The following KIAA1958 variants were observed in gnomAD, a reference collection of about 807,000 sequenced individuals.
KIAA1958 encodes the protein KIAA1958.
KIAA1958 carries 14 observed loss-of-function variants against 47.2 expected under a neutral mutation model. The observed-to-expected ratio is 0.30, with a 90% CI of 0.20 to 0.46. The LOEUF (loss-of-function observed/expected upper bound fraction) is 0.46. Ranked by LOEUF, KIAA1958 falls within the 20% of genes least tolerant of loss-of-function variation. The probability of loss-of-function intolerance (pLI) is 1.00; values close to 1 mark genes in which losing one functional copy is unlikely to be tolerated. For synonymous variants in KIAA1958, 354 were observed against 353.3 expected, an observed-to-expected ratio of 1.00 and a Z score of -0.02; for missense variants, 803 against 909.2, an observed-to-expected ratio of 0.88 and a Z score of 1.50.
intron 1 of KIAA1958, among the ~76,000 whole-genome samples, chr9:112,518,041 C>A (rs1834468529): frequency 6.6e-6 from 1 of 152,148 alleles, no homozygotes; most frequent in Non-Finnish European, 1.5e-5. Context: ...CCCACCTGAC[C>A]TTAAGTGTTT....
At chr9:112,523,220 A>G (rs1281094206) in intron 1 of KIAA1958, among the ~76,000 whole-genome samples, 1 of 152,096 alleles carries the variant, frequency 6.6e-6, no homozygotes, top group East Asian at 1.9e-4. Flanking sequence ...TTACCTGGAA[A>G]TTGGTTGTGT....
At chr9:112,494,764 G>A (rs1211628634) in intron 1 of KIAA1958, among the ~76,000 whole-genome samples, 4 of 151,946 alleles carry the variant, frequency 2.6e-5, no homozygotes, top group Admixed American at 6.6e-5. Flanking sequence ...CACCGTATCT[G>A]GTGGTACCTA....
intron 2 of KIAA1958, among the ~76,000 whole-genome samples, chr9:112,582,899 A>G (rs1383052838): frequency 6.6e-6 from 1 of 152,208 alleles, no homozygotes; most frequent in Non-Finnish European, 1.5e-5. Flanking sequence ...TCTGGCATTG[A>G]CAGGGGCTTG....
intron 2 of KIAA1958, among the ~76,000 whole-genome samples, chr9:112,586,611 A>G (rs1246183001): frequency 6.6e-6 from 1 of 152,240 alleles, no homozygotes; most frequent in African/African-American, 2.4e-5. Context: ...TATTATACCA[A>G]TGAAATAAAA....
At chr9:112,587,386 G>A (rs1835845133) in intron 2 of KIAA1958, among the ~76,000 whole-genome samples, 1 of 152,180 alleles carries the variant, frequency 6.6e-6, no homozygotes, top group African/African-American at 2.4e-5. Context: ...CTGACCTCAA[G>A]TGATCCACCC....
chr9:112,624,350 A>G (rs755045411), intron 2 of KIAA1958, among the ~76,000 whole-genome samples: 4 of 152,196 alleles, frequency 2.6e-5, no homozygotes, highest in Non-Finnish European at 4.4e-5. Flanking sequence ...ATGGTATTCA[A>G]ACATTGCTTT....
chr9:112,541,834 G>A (rs561811032), intron 1 of KIAA1958, among the ~76,000 whole-genome samples: 2 of 152,090 alleles, frequency 1.3e-5, no homozygotes, highest in African/African-American at 4.8e-5. Context: ...AACAAAAACA[G>A]ATGTTACAGA....
chr9:112,613,945 A>G (rs1000868029), intron 2 of KIAA1958, among the ~76,000 whole-genome samples: 1 of 152,226 alleles, frequency 6.6e-6, no homozygotes, highest in Admixed American at 6.5e-5. Flanking sequence ...CATGACCACC[A>G]AAAGGCACCC....
At chr9:112,637,243 C>T (rs1257396722) in intron 2 of KIAA1958, among the ~76,000 whole-genome samples, 5 of 151,940 alleles carry the variant, frequency 3.3e-5, no homozygotes, top group Non-Finnish European at 5.9e-5. Flanking sequence ...TTCCAATATT[C>T]TTCATTCTTT....
At chr9:112,616,922 C>G (rs1205323341) in intron 2 of KIAA1958, among the ~76,000 whole-genome samples, 1 of 152,158 alleles carries the variant, frequency 6.6e-6, no homozygotes, top group Non-Finnish European at 1.5e-5. Context: ...TCATCATGAA[C>G]ACAGAGATGC....
rs1159012874 is a variant in KIAA1958 at position 112,574,397 on chromosome 9, C to G, written c.317C>G (p.Pro106Arg). Residue 106 changes from proline to arginine, a missense_variant, in exon 2 of 4, where the codon CCA (proline) becomes CGA (arginine). By Grantham distance (103) the Pro-to-Arg change is moderately radical. Coordinates refer to ENST00000337530, the MANE Select transcript of KIAA1958 (RefSeq NM_133465.4). ...TSPVERYPGR[P>R]VKAKLDCNRT... ...CCTGTTGAAAGGTACCCTGGGAGACCAGTGAAAGCAAAGCTAGACTGTAAC... is the reference window on the plus strand; with the variant it reads ...CCTGTTGAAAGGTACCCTGGGAGACGAGTGAAAGCAAAGCTAGACTGTAAC... 6.2e-7 allele frequency: 1 copy of G among 1,614,108 alleles called. No homozygotes were observed. The highest frequency in any genetic ancestry group is 1.7e-5 in the Admixed American group (1 of 60,018).
chr9:112,532,514 G>T (rs374408631), intron 1 of KIAA1958, among the ~76,000 whole-genome samples: 1 of 152,124 alleles, frequency 6.6e-6, no homozygotes, highest in East Asian at 1.9e-4. Flanking sequence ...AAGAGAATAG[G>T]GACTGGAGTG....
chr9:112,561,674 G>A (rs1413561964), intron 1 of KIAA1958, among the ~76,000 whole-genome samples: 8 of 152,120 alleles, frequency 5.3e-5, no homozygotes, highest in Admixed American at 5.2e-4. Flanking sequence ...GGCCAACATA[G>A]TGGAACCCTG....
intron 2 of KIAA1958, among the ~76,000 whole-genome samples, chr9:112,619,799 C>A (rs1045158059): frequency 6.6e-6 from 1 of 152,000 alleles, no homozygotes; most frequent in Non-Finnish European, 1.5e-5. Flanking sequence ...ATTAGATTGC[C>A]TATAAAGAAG....
intron 1 of KIAA1958, among the ~76,000 whole-genome samples, chr9:112,501,871 CAA>C (rs919285854): frequency 2.6e-5 from 4 of 152,140 alleles, no homozygotes; most frequent in Admixed American, 2.0e-4. Context: ...ATATGATAGA[CAA>C]AGAGTTGATG....
intron 2 of KIAA1958, among the ~76,000 whole-genome samples, chr9:112,596,028 G>A (rs1351609367): frequency 1.3e-5 from 2 of 151,928 alleles, no homozygotes; most frequent in South Asian, 4.2e-4. Context: ...CAGGTGATCC[G>A]CCTTCCTCCG....
intron 2 of KIAA1958, among the ~76,000 whole-genome samples, chr9:112,595,570 G>A (rs1386682570): frequency 6.6e-6 from 1 of 151,478 alleles, no homozygotes; most frequent in African/African-American, 2.4e-5. Flanking sequence ...GGTGGGGGTA[G>A]GCGGAGCTGA....
intron 1 of KIAA1958, among the ~76,000 whole-genome samples, chr9:112,519,672 A>G (rs1370394223): frequency 1.3e-5 from 2 of 152,214 alleles, no homozygotes; most frequent in Non-Finnish European, 2.9e-5. Flanking sequence ...CATGCTGATT[A>G]GGAAAACAAA....
chr9:112,620,121 G>A (rs1836477736), intron 2 of KIAA1958, among the ~76,000 whole-genome samples: 2 of 152,092 alleles, frequency 1.3e-5, no homozygotes, highest in South Asian at 4.1e-4. Flanking sequence ...TAATAATTTT[G>A]GTTAAACATT....
Sources: allele counts gnomAD v4.1 joint callset (sites outside exome capture counted in the v4.1 genomes callset), GRCh38; gene constraint gnomAD v4.1.1; transcripts MANE v1.5; gene names NCBI Gene and HGNC (gene_info 2026-07-23, HGNC 2026-07-21).